GATA4: variants seen among roughly 807,000 people sequenced by gnomAD.
The protein encoded by GATA4 is GATA binding protein 4, also known as transcription factor GATA-4.
In GATA4, 7 loss-of-function variants were observed where a neutral mutation model predicts 37.9. The ratio of observed to expected loss-of-function variants is 0.18; its 90% confidence interval spans 0.11 to 0.35. GATA4 has a LOEUF of 0.35. GATA4 is among the 10% of genes least tolerant of loss of function. The probability of loss-of-function intolerance (pLI) is 1.00; values close to 1 mark genes in which losing one functional copy is unlikely to be tolerated. For missense variants in GATA4, 647 were observed against 653.0 expected (o/e 0.99, Z 0.10); for synonymous variants, 372 against 292.6 (o/e 1.27, Z -2.77).
At chr8:11,744,515 G>C (rs1457258471) in intron 2 of GATA4, among the ~76,000 whole-genome samples, 1 of 152,214 alleles carries the variant, frequency 6.6e-6, no homozygotes, top group South Asian at 2.1e-4. Flanking sequence ...TCCTCTCAGT[G>C]CCTTTCGTAG....
chr8:11,740,433 G>A (rs1020991932), intron 2 of GATA4, among the ~76,000 whole-genome samples: 2 of 152,224 alleles, frequency 1.3e-5, no homozygotes, highest in Non-Finnish European at 2.9e-5. Context: ...CCGGGGAGGC[G>A]GACGGCACAA....
intron 2 of GATA4, among the ~76,000 whole-genome samples, chr8:11,744,705 G>A (rs192490672): frequency 6.6e-6 from 1 of 152,360 alleles, no homozygotes; most frequent in Non-Finnish European, 1.5e-5. Flanking sequence ...AGGTTGGATG[G>A]CAGGATTTTG....
At chr8:11,700,584 C>A (rs1432367464), upstream of GATA4, 1 of 152,288 alleles carries the variant, frequency 6.6e-6, no homozygotes, top group African/African-American at 2.4e-5. Context: ...GCTGCCCGTG[C>A]GGGTGAGGAC....
Position 11,758,386 on chromosome 8 carries a change from G to T in GATA4, c.1243G>T (p.Val415Phe). 1 of 1,614,136 alleles carries T rather than the reference G, an allele frequency of 6.2e-7. No homozygotes were observed. The highest frequency in any genetic ancestry group is 8.5e-7 in the Non-Finnish European group (1 of 1,180,008). ...CTCCCCACAAGGCTATGCGTCTCCC[G>T]TCAGCCAGTCTCCACAGACCAGCTC... ...KLSPQGYASP[V>F]SQSPQTSSKQ... The change falls in exon 7 of 7, where the codon GTC (valine) becomes TTC (phenylalanine). Residue 415 changes from valine to phenylalanine, a missense_variant. Coordinates refer to ENST00000532059, the MANE Select transcript of GATA4 (RefSeq NM_001308093.3).
chr8:11,716,880 G>C (rs935213649), intron 2 of GATA4, among the ~76,000 whole-genome samples: 2 of 152,240 alleles, frequency 1.3e-5, no homozygotes, highest in Non-Finnish European at 2.9e-5. Context: ...GTAGCTGCTT[G>C]TGTCTGCATA....
At chr8:11,690,826 G>A (rs1369189196), upstream of GATA4, among the ~76,000 whole-genome samples, 1 of 152,178 alleles carries the variant, frequency 6.6e-6, no homozygotes. Context: ...AACTATGATT[G>A]CACTACTGCA....
At chr8:11,728,775 G>A (rs955999360) in intron 2 of GATA4, among the ~76,000 whole-genome samples, 2 of 152,116 alleles carry the variant, frequency 1.3e-5, no homozygotes, top group African/African-American at 4.8e-5. Flanking sequence ...ATTAAGTGGG[G>A]TTTTATATTA....
chr8:11,697,644 CCT>C (rs1563192615), intron 1 of GATA4: 1 of 985,340 alleles, frequency 1.0e-6, no homozygotes, highest in African/African-American at 1.7e-5. Flanking sequence ...GCACAGCCCC[CCT>C]TTCAGAGGAC....
At chr8:11,685,869 C>T (rs1473101502) in intron 1 of GATA4, among the ~76,000 whole-genome samples, 2 of 152,066 alleles carry the variant, frequency 1.3e-5, no homozygotes, top group Admixed American at 1.3e-4. Context: ...TTATTCAGAC[C>T]TCAGGGAGGG....
intron 1 of GATA4, among the ~76,000 whole-genome samples, chr8:11,699,126 A>G (rs1799592283): frequency 6.6e-6 from 1 of 152,230 alleles, no homozygotes; most frequent in Non-Finnish European, 1.5e-5. Context: ...GATTTTGATC[A>G]CTGCATTCAC....
At chr8:11,743,340 G>A (rs1157576453) in intron 2 of GATA4, among the ~76,000 whole-genome samples, 2 of 152,384 alleles carry the variant, frequency 1.3e-5, no homozygotes, top group African/African-American at 2.4e-5. Flanking sequence ...TGAGTTTCAG[G>A]CATTGCTGTG....
chr8:11,751,815 G>T (rs980269043), intron 4 of GATA4, among the ~76,000 whole-genome samples: 5 of 152,156 alleles, frequency 3.3e-5, no homozygotes, highest in African/African-American at 1.2e-4. Context: ...TGCTGCTATG[G>T]ATTTGGGGAA....
At chr8:11,682,783 T>C (rs1008466625) in intron 1 of GATA4, among the ~76,000 whole-genome samples, 1 of 152,222 alleles carries the variant, frequency 6.6e-6, no homozygotes, top group Non-Finnish European at 1.5e-5. Flanking sequence ...TAGTCCCCGT[T>C]TGTGCAAAAA....
intron 2 of GATA4, among the ~76,000 whole-genome samples, chr8:11,730,037 C>A (rs963415609): frequency 2.6e-5 from 4 of 152,142 alleles, no homozygotes; most frequent in African/African-American, 4.8e-5. Context: ...GGAATCCTCA[C>A]ACCTCAGCCT....
intron 2 of GATA4, 44 bp from the exon 3 acceptor site, chr8:11,748,872 A>T (rs370552040): frequency 8.7e-6 from 14 of 1,604,424 alleles, no homozygotes; most frequent in Non-Finnish European, 1.2e-5. Context: ...ATAAACAAAG[A>T]ATTAATCCTC....
chr8:11,717,725 G>C (rs1800498336), intron 2 of GATA4, among the ~76,000 whole-genome samples: 1 of 152,226 alleles, frequency 6.6e-6, no homozygotes, highest in Non-Finnish European at 1.5e-5. Flanking sequence ...TCTTGTCTGA[G>C]TTTCCGTTTG....
intron 2 of GATA4, among the ~76,000 whole-genome samples, chr8:11,744,585 CTTAG>C (rs147821103): frequency 1.7e-3 from 252 of 152,318 alleles, no homozygotes; most frequent in African/African-American, 4.2e-3. Context: ...TAGTTTGGGA[CTTAG>C]TTAGTGCTGT....
At chr8:11,689,873 A>G (rs1384710684), upstream of GATA4, among the ~76,000 whole-genome samples, 1 of 152,204 alleles carries the variant, frequency 6.6e-6, no homozygotes, top group Non-Finnish European at 1.5e-5. Flanking sequence ...GAGTCAATGT[A>G]TAGAGGGGAG....
chr8:11,685,022 G>A (rs1799094414), intron 1 of GATA4, among the ~76,000 whole-genome samples: 1 of 152,084 alleles, frequency 6.6e-6, no homozygotes, highest in South Asian at 2.1e-4. Context: ...TTACCCTCAG[G>A]AAATAATCAG....
Sources: allele counts gnomAD v4.1 joint callset (sites outside exome capture counted in the v4.1 genomes callset), GRCh38; gene constraint gnomAD v4.1.1; transcripts MANE v1.5; gene names NCBI Gene and HGNC (gene_info 2026-07-23, HGNC 2026-07-21).